FMNL2: variants seen among roughly 807,000 people sequenced by gnomAD.
FMNL2 encodes the protein formin-like protein 2.
FMNL2 carries 51 observed loss-of-function variants against 130.2 expected under a neutral mutation model. The observed-to-expected ratio is 0.39, with a 90% confidence interval of 0.31 to 0.49. The LOEUF (loss-of-function observed/expected upper bound fraction) is 0.49. Among genes scored for constraint, FMNL2 ranks in the 20% least tolerant of loss-of-function variants. FMNL2 has a pLI of 0.85. For synonymous variants in FMNL2, 465 were observed against 467.1 expected (o/e 1.00, Z 0.06); for missense variants, 977 against 1,316.2 (o/e 0.74, Z 3.99).
intron 25 of FMNL2, among the ~76,000 whole-genome samples, chr2:152,643,206 T>A (rs1683248732): frequency 6.6e-6 from 1 of 152,152 alleles, no homozygotes; most frequent in Non-Finnish European, 1.5e-5. Flanking sequence ...TTGGAGTATT[T>A]TTCATTTTCT....
chr2:152,549,179 C>A, intron 4 of FMNL2, 82 bp downstream of exon 4: 1 of 933,406 alleles, frequency 1.1e-6, no homozygotes, highest in Non-Finnish European at 1.6e-6. Context: ...AAGAATTGAG[C>A]TTCCTTATGG....
At chr2:152,450,440 C>A (rs1052287865) in intron 1 of FMNL2, among the ~76,000 whole-genome samples, 1 of 152,152 alleles carries the variant, frequency 6.6e-6, no homozygotes, top group Non-Finnish European at 1.5e-5. Flanking sequence ...TTTGTAGTTA[C>A]AGCAGTTAGA....
chr2:152,548,973 T>C, intron 3 of FMNL2, 48 bp from the exon 4 acceptor site: 1 of 1,392,598 alleles, frequency 7.2e-7, no homozygotes. Flanking sequence ...GCTTCAGTTA[T>C]AGCAGTTGCT....
intron 1 of FMNL2, among the ~76,000 whole-genome samples, chr2:152,510,947 T>C (rs528884690): frequency 3.3e-5 from 5 of 152,212 alleles, no homozygotes; most frequent in Non-Finnish European, 7.3e-5. Context: ...GAACTTTACT[T>C]CAGAACATGG....
chr2:152,336,485 C>G (rs992135764), intron 1 of FMNL2, among the ~76,000 whole-genome samples: 3 of 152,224 alleles, frequency 2.0e-5, no homozygotes, highest in African/African-American at 7.2e-5. Context: ...CTTGCACGCC[C>G]AGCCAGGTCC....
intron 8 of FMNL2, 138 bp downstream of exon 8, chr2:152,579,102 T>C (rs564347602): frequency 4.3e-6 from 3 of 699,048 alleles, no homozygotes; most frequent in African/African-American, 1.8e-5. Flanking sequence ...TCTTTGGCTG[T>C]GTAAGAATTT....
intron 1 of FMNL2, among the ~76,000 whole-genome samples, chr2:152,342,614 C>G (rs753388563): frequency 7.9e-5 from 12 of 152,232 alleles, no homozygotes; most frequent in Non-Finnish European, 1.5e-4. Context: ...AGAATTCCAT[C>G]TGTTCATACT....
At chr2:152,614,814 G>T in intron 11 of FMNL2, 37 bp from the exon 12 acceptor site, 1 of 1,559,732 alleles carries the variant, frequency 6.4e-7, no homozygotes, top group South Asian at 1.2e-5. Flanking sequence ...TTCCATAGAT[G>T]AGCTAACACC....
chr2:152,623,580 A>G (rs980867425), intron 15 of FMNL2, among the ~76,000 whole-genome samples: 1 of 152,154 alleles, frequency 6.6e-6, no homozygotes, highest in Non-Finnish European at 1.5e-5. Flanking sequence ...GTTAACGCCA[A>G]CTGAGGCAGG....
chr2:152,532,611 A>AT (rs58777501), intron 2 of FMNL2, among the ~76,000 whole-genome samples: 12,138 of 136,830 alleles, frequency 0.089, 796 homozygotes, highest in Admixed American at 0.22. Context: ...TTTTTTTCTT[A>AT]TTTTTTTTTT....
At chr2:152,404,183 C>T (rs543298481) in intron 1 of FMNL2, among the ~76,000 whole-genome samples, 1 of 152,348 alleles carries the variant, frequency 6.6e-6, no homozygotes, top group African/African-American at 2.4e-5. Context: ...GGTCTTTCTG[C>T]AGCCCCAGAA....
chr2:152,342,114 A>G (rs1170803122), intron 1 of FMNL2, among the ~76,000 whole-genome samples: 1 of 152,184 alleles, frequency 6.6e-6, no homozygotes, highest in African/African-American at 2.4e-5. Context: ...TTGTTCTGGA[A>G]ATTCATTTGA....
chr2:152,422,693 T>C (rs1401504997), intron 1 of FMNL2, among the ~76,000 whole-genome samples: 1 of 152,154 alleles, frequency 6.6e-6, no homozygotes, highest in Non-Finnish European at 1.5e-5. Context: ...CACGCCCGGC[T>C]AATTTTTGTA....
rs199564236 is a variant in FMNL2, at chr2:152,490,736, G to GAA, written c.118-31194_118-31193dup. Among the ~76,000 whole-genome samples the GAA allele has an allele frequency of 1.5e-3, 180 of 117,054 alleles. 1 individual carries two copies. Among genetic ancestry groups the GAA allele is most frequent in the South Asian group, 0.013 (47 of 3,574 alleles). 76.8% of individuals were successfully genotyped at this position (117,054 alleles called of 152,430 possible). On this transcript the variant is annotated intron_variant, in intron 1 of 25. Coordinates refer to ENST00000288670, the MANE Select transcript of FMNL2 (RefSeq NM_052905.4). ...CAGGAAACAGTTTATGGAGTTTAAG[G>GAA]AAAAAAAAAAAAAAGGAAAATTATC...
intron 1 of FMNL2, among the ~76,000 whole-genome samples, chr2:152,506,314 A>AC (rs1295624953): frequency 2.0e-5 from 3 of 151,860 alleles, no homozygotes; most frequent in African/African-American, 2.4e-5. Flanking sequence ...TGATTCTGGG[A>AC]CCCCCTCCCC....
intron 10 of FMNL2, 144 bp from the exon 11 acceptor site, chr2:152,611,351 T>C (rs963381009): frequency 3.6e-5 from 19 of 528,764 alleles, no homozygotes; most frequent in Middle Eastern, 1.1e-3. Context: ...AAAAAAACCA[T>C]ATATATATTT....
intron 6 of FMNL2, among the ~76,000 whole-genome samples, chr2:152,566,380 G>C (rs938995754): frequency 7.2e-5 from 11 of 152,198 alleles, no homozygotes; most frequent in Admixed American, 5.9e-4. Context: ...GGGATTTGCT[G>C]TTCACAGTTT....
chr2:152,535,742 G>C (rs1693963098), intron 2 of FMNL2, among the ~76,000 whole-genome samples: 1 of 152,178 alleles, frequency 6.6e-6, no homozygotes, highest in South Asian at 2.1e-4. Context: ...TAGCCCAGCT[G>C]GCACTAGCTT....
chr2:152,606,629 C>CTTTTTTTTTT (rs70974875), intron 9 of FMNL2, among the ~76,000 whole-genome samples: 4 of 105,478 alleles, frequency 3.8e-5, no homozygotes, highest in Middle Eastern at 6.0e-3. Flanking sequence ...TTTTTTGACT[C>CTTTTTTTTTT]TTTTTTTTTT....
Sources: gnomAD v4.1 joint callset for allele counts (sites outside exome capture counted in the v4.1 genomes callset) on GRCh38, gnomAD v4.1.1 for gene constraint, MANE v1.5 for transcripts, NCBI Gene and HGNC (gene_info 2026-07-23, HGNC 2026-07-21) for gene names.